ACYP2: variants seen among roughly 807,000 people sequenced by gnomAD.
ACYP2 encodes acylphosphatase-2.
A neutral mutation model predicts 11.2 loss-of-function variants in ACYP2; 12 were observed. That is an observed-to-expected ratio of 1.08 (90% confidence interval 0.69 to 1.74). The LOEUF is 1.74. Among genes scored for constraint, ACYP2 ranks in the 40% most tolerant of loss-of-function variants. The pLI, the probability that ACYP2 is intolerant of heterozygous loss-of-function variation, is 0.00. For synonymous variants in ACYP2, 43 were observed against 32.2 expected (o/e 1.33, Z -1.13); for missense variants, 134 against 101.9 (o/e 1.31, Z -1.35).
intron 6 of ACYP2, chr2:54,255,820 A>G: frequency 6.2e-7 from 1 of 1,613,824 alleles, no homozygotes; most frequent in Non-Finnish European, 8.5e-7. Flanking sequence ...GCCATTTTTG[A>G]GGCTGCCGTC....
At chr2:54,140,534 A>T (rs201996641) in intron 6 of ACYP2, among the ~76,000 whole-genome samples, 9,998 of 151,508 alleles carry the variant, frequency 0.066, 483 homozygotes, top group East Asian at 0.28. Flanking sequence ...TCTCTCACAC[A>T]CACACACACA....
chr2:54,220,168 GTTAAAC>G (rs1202733925), intron 6 of ACYP2, among the ~76,000 whole-genome samples: 1 of 151,926 alleles, frequency 6.6e-6, no homozygotes, highest in African/African-American at 2.4e-5. Flanking sequence ...AAAATTTTCT[GTTAAAC>G]TTATTTTTTA....
At chr2:54,119,718 G>A (rs931467252) in intron 4 of ACYP2, among the ~76,000 whole-genome samples, 19 of 152,300 alleles carry the variant, frequency 1.2e-4, no homozygotes, top group South Asian at 8.3e-4. Context: ...TATAGGGACC[G>A]TACAACTGGT....
At chr2:54,245,782 T>C (rs773219693) in intron 6 of ACYP2, among the ~76,000 whole-genome samples, 2 of 152,062 alleles carry the variant, frequency 1.3e-5, no homozygotes, top group African/African-American at 2.4e-5. Flanking sequence ...AGTGGATGAA[T>C]AGTTTGCACA....
rs376366310 is a variant in ACYP2, at chr2:54,249,022, T to C, written c.405-55666T>C. Among the ~76,000 whole-genome samples, 58 of 152,118 alleles carry C rather than the reference T, an allele frequency of 3.8e-4. No individual in the cohort carries two copies. In the South Asian group the frequency reaches 0.012, roughly 32 times the overall value. On this transcript the variant is annotated intron_variant, in intron 6 of 6. Coordinates refer to ENST00000607452, the MANE Select transcript of ACYP2 (RefSeq NM_001320586.2). ...ACTTAAGGAATAGTAAGGAGTTCCA[T>C]GTGAGTGGACTCTGGTAAGAATGTT...
chr2:54,304,619 TG>T, intron 6 of ACYP2, 68 bp from the exon 4 acceptor site: 2 of 1,067,736 alleles, frequency 1.9e-6, no homozygotes, highest in Non-Finnish European at 2.8e-6. Context: ...ATACCTACTG[TG>T]GGCTCATTTT....
rs114519006 is a variant in ACYP2, at chr2:54,304,979, T to A, written c.*177T>A. On this transcript the variant is annotated 3_prime_UTR_variant, in exon 7 of 7. Transcript: ENST00000607452. Reference sequence around the variant, plus strand: ...GAAATAATTTTACTCAACTATGTTTTCAACAAGCAAAAATATAGTATTCTA... The same window carrying A: ...GAAATAATTTTACTCAACTATGTTTACAACAAGCAAAAATATAGTATTCTA... 7.4e-6 allele frequency: 3 copies of A among 407,818 alleles called. No individual in the cohort carries two copies. The highest frequency in any genetic ancestry group is 6.3e-4 in the Middle Eastern group (1 of 1,578). 25.3% of individuals were successfully genotyped at this position (407,818 alleles called of 1,614,324 possible).
At chr2:54,266,943 T>C (rs900881611) in intron 6 of ACYP2, among the ~76,000 whole-genome samples, 1 of 152,018 alleles carries the variant, frequency 6.6e-6, no homozygotes, top group African/African-American at 2.4e-5. Context: ...GATGGACACA[T>C]AGGAAATGGC....
At chr2:54,241,975 T>C (rs1403083412) in intron 6 of ACYP2, among the ~76,000 whole-genome samples, 1 of 152,070 alleles carries the variant, frequency 6.6e-6, no homozygotes, top group Non-Finnish European at 1.5e-5. Context: ...GATCACGCCA[T>C]TGCACTCCAG....
chr2:54,207,820 T>C (rs973706776), intron 6 of ACYP2, among the ~76,000 whole-genome samples: 2 of 152,160 alleles, frequency 1.3e-5, no homozygotes, highest in East Asian at 3.8e-4. Flanking sequence ...TCTTCTGCAA[T>C]GGTATTGTTC....
At chr2:54,263,539 G>A (rs573674543) in intron 6 of ACYP2, among the ~76,000 whole-genome samples, 5 of 152,250 alleles carry the variant, frequency 3.3e-5, no homozygotes, top group East Asian at 3.9e-4. Context: ...TGGGAGGATC[G>A]CTTGAGCCCA....
intron 6 of ACYP2, among the ~76,000 whole-genome samples, chr2:54,268,066 A>C (rs1388795830): frequency 2.0e-5 from 3 of 152,256 alleles, no homozygotes; most frequent in Non-Finnish European, 4.4e-5. Flanking sequence ...ACTACCTAAG[A>C]CACAATATGG....
intron 2 of ACYP2, among the ~76,000 whole-genome samples, chr2:54,023,381 CTAGGCTCAAG>C (rs1674105272): frequency 6.6e-6 from 1 of 152,158 alleles, no homozygotes; most frequent in South Asian, 2.1e-4. Flanking sequence ...TCTCAAACTC[CTAGGCTCAAG>C]TAGTCCTTTT....
chr2:54,005,290 T>A (rs921169642), intron 2 of ACYP2, among the ~76,000 whole-genome samples: 15 of 152,128 alleles, frequency 9.9e-5, no homozygotes, highest in Admixed American at 8.5e-4. Context: ...TTCTCCATTG[T>A]GTTGTCTTTG....
chr2:54,141,983 TTGTG>T (rs56673055), intron 6 of ACYP2: 31,344 of 458,176 alleles, frequency 0.068, 1,173 homozygotes, highest in East Asian at 0.26. Flanking sequence ...GCTGGCTAAT[TTGTG>T]TGTGTGTGTG....
At chr2:54,093,359 T>A (rs1460806603) in intron 4 of ACYP2, among the ~76,000 whole-genome samples, 4 of 152,208 alleles carry the variant, frequency 2.6e-5, no homozygotes, top group Admixed American at 6.5e-5. Flanking sequence ...GACTGCAGAT[T>A]GATTAGGTGG....
intron 6 of ACYP2, among the ~76,000 whole-genome samples, chr2:54,159,884 G>T (rs1231979879): frequency 9.2e-5 from 14 of 152,202 alleles, no homozygotes; most frequent in Middle Eastern, 3.4e-3. Flanking sequence ...TCTTTCCTCT[G>T]CCTGGAATGG....
intron 2 of ACYP2, among the ~76,000 whole-genome samples, chr2:54,035,357 C>G (rs962308487): frequency 2.6e-5 from 4 of 151,136 alleles, no homozygotes; most frequent in Admixed American, 2.0e-4. Context: ...GCTCCGCCTC[C>G]CGGGTTCACG....
chr2:54,172,097 GTC>G (rs1364769549), intron 6 of ACYP2, among the ~76,000 whole-genome samples: 1 of 152,058 alleles, frequency 6.6e-6, no homozygotes, highest in African/African-American at 2.4e-5. Flanking sequence ...TGTGTCTGTA[GTC>G]TCAGCTACTC....
Sources: gnomAD v4.1 joint callset for allele counts (sites outside exome capture counted in the v4.1 genomes callset) on GRCh38, gnomAD v4.1.1 for gene constraint, MANE v1.5 for transcripts, NCBI Gene and HGNC (gene_info 2026-07-23, HGNC 2026-07-21) for gene names.